ACTN1: variants seen among roughly 807,000 people sequenced by gnomAD.
The protein encoded by ACTN1 is actinin alpha 1.
ACTN1 carries 30 observed loss-of-function variants against 119.6 expected under a neutral mutation model. The observed-to-expected ratio is 0.25, with a 90% CI of 0.19 to 0.34. ACTN1 has a LOEUF of 0.34. Ranked by LOEUF, ACTN1 falls within the 10% of genes least tolerant of loss-of-function variation. The pLI, the probability that ACTN1 is intolerant of heterozygous loss-of-function variation, is 1.00. For missense variants in ACTN1, 764 were observed against 1,223.4 expected (o/e 0.62, Z 5.60); for synonymous variants, 429 against 472.6 (o/e 0.91, Z 1.20).
intron 4 of ACTN1, among the ~76,000 whole-genome samples, chr14:68,910,594 G>A (rs547463590): frequency 6.6e-6 from 1 of 152,164 alleles, no homozygotes; most frequent in Non-Finnish European, 1.5e-5. Context: ...ATGAGGTTAG[G>A]CAGGCAACTG....
intron 1 of ACTN1, among the ~76,000 whole-genome samples, chr14:68,937,908 G>A (rs1025467362): frequency 2.0e-5 from 3 of 152,358 alleles, no homozygotes; most frequent in South Asian, 4.1e-4. Context: ...CCTGTGCTCA[G>A]CGTTGAGTCC....
At chr14:68,971,616 A>G (rs1035942764) in intron 1 of ACTN1, among the ~76,000 whole-genome samples, 7 of 152,178 alleles carry the variant, frequency 4.6e-5, no homozygotes, top group African/African-American at 1.7e-4. Context: ...TCATCATCCC[A>G]CATATCTTAC....
intron 1 of ACTN1, among the ~76,000 whole-genome samples, chr14:68,929,767 G>C (rs1332988337): frequency 6.6e-6 from 1 of 152,148 alleles, no homozygotes; most frequent in Admixed American, 6.5e-5. Flanking sequence ...GAGGACCCGG[G>C]ACAGAGGGAG....
At chr14:68,913,266 G>C (rs1400927774) in intron 3 of ACTN1, among the ~76,000 whole-genome samples, 6 of 152,150 alleles carry the variant, frequency 3.9e-5, no homozygotes. Flanking sequence ...GCAATCTATG[G>C]TCTTGTGGTT....
chr14:68,901,657 G>A (rs1238216179), intron 8 of ACTN1, among the ~76,000 whole-genome samples: 1 of 152,220 alleles, frequency 6.6e-6, no homozygotes. Context: ...CTGGAGTCCT[G>A]CCTACCAGGG....
chr14:68,971,570 T>C (rs1009736912), intron 1 of ACTN1, among the ~76,000 whole-genome samples: 3 of 152,244 alleles, frequency 2.0e-5, no homozygotes, highest in African/African-American at 7.2e-5. Context: ...CATGTTGTTC[T>C]CTATCTCTAA....
intron 1 of ACTN1, chr14:68,977,723 T>A (rs1044594493): frequency 3.2e-6 from 1 of 315,416 alleles, no homozygotes. Context: ...AGGGAATGAA[T>A]GTTACCATTT....
At position 68,878,772 on chromosome 14, in the gene ACTN1, C is replaced by T. The variant is rs757204079; in HGVS notation, c.2361+217G>A. ...CCCATGGGATGAAGAGCAGCGAGGA[C>T]GGAAGACAGCGGGCACCCAGTAGGT... is the stretch of plus-strand genomic sequence containing the variant. On this transcript the variant is annotated intron_variant, in intron 19 of 21. Transcript: ENST00000394419. The surrounding 1 kb of genome is among the most constrained non-coding windows in gnomAD (Gnocchi z 4.4). The T allele has an allele frequency of 2.6e-5, 40 of 1,556,866 alleles. No individual in the cohort carries two copies. Among genetic ancestry groups the T allele is most frequent in the African/African-American group, 5.4e-5 (4 of 73,524 alleles).
chr14:68,891,111 C>A (rs1333160894), intron 10 of ACTN1, among the ~76,000 whole-genome samples: 1 of 152,212 alleles, frequency 6.6e-6, no homozygotes, highest in Non-Finnish European at 1.5e-5. Flanking sequence ...CCCTCCATGA[C>A]CCCCTGGGCT....
chr14:68,888,265 G>A, intron 11 of ACTN1: 3 of 331,874 alleles, frequency 9.0e-6, no homozygotes, highest in Middle Eastern at 1.0e-3. Flanking sequence ...GAATACATGT[G>A]GCCAAACTGC....
At chr14:68,887,165 C>A (rs1594763146) in intron 11 of ACTN1, 1 of 171,042 alleles carries the variant, frequency 5.8e-6, no homozygotes, top group Non-Finnish European at 1.3e-5. Context: ...TATCAAGTAC[C>A]AGTATTTTCA....
chr14:68,915,231 T>C (rs1251385812), intron 3 of ACTN1, among the ~76,000 whole-genome samples: 5 of 151,868 alleles, frequency 3.3e-5, no homozygotes, highest in African/African-American at 1.2e-4. Flanking sequence ...CGCCTGGGCC[T>C]CTTGTTCCCC....
At chr14:68,907,011 G>A (rs2033703448) in intron 6 of ACTN1, among the ~76,000 whole-genome samples, 1 of 152,084 alleles carries the variant, frequency 6.6e-6, no homozygotes, top group African/African-American at 2.4e-5. Context: ...GGTGGCTCAT[G>A]CCTGTAATCC....
chr14:68,931,278 T>C (rs927203025), intron 1 of ACTN1, among the ~76,000 whole-genome samples: 1 of 152,176 alleles, frequency 6.6e-6, no homozygotes, highest in Non-Finnish European at 1.5e-5. Context: ...TGATGGAACA[T>C]CAGCAGAGTT....
chr14:68,906,803 G>A (rs775243153), intron 6 of ACTN1, among the ~76,000 whole-genome samples: 9 of 152,110 alleles, frequency 5.9e-5, no homozygotes, highest in Non-Finnish European at 1.2e-4. Context: ...GATTTGGGCT[G>A]GATTTTACTG....
In ACTN1 at chr14:68,925,673, C is replaced by A; in HGVS notation, c.106-1G>T. On this transcript the variant is annotated splice_acceptor_variant, in intron 1 of 21. Transcript: ENST00000394419. LOFTEE classifies it high-confidence loss of function. This position sits in a 1 kb window ranked among gnomAD's most constrained non-coding sequence, Gnocchi z 4.3. ...GGGAGTTACACCATGCCGTGAATGT[C>A]TGGGCAGAGACAAGAAGGGCAAGTG... 1 of 1,609,594 alleles carries A rather than the reference C, an allele frequency of 6.2e-7. No individual in the cohort carries two copies. Among genetic ancestry groups the A allele is most frequent in the South Asian group, 1.1e-5 (1 of 90,404 alleles).
At chr14:68,916,268 C>T (rs959298929) in intron 3 of ACTN1, among the ~76,000 whole-genome samples, 4 of 152,178 alleles carry the variant, frequency 2.6e-5, no homozygotes, top group Non-Finnish European at 4.4e-5. Context: ...CACTCTGTGA[C>T]GGCCAAACTC....
intron 2 of ACTN1, among the ~76,000 whole-genome samples, chr14:68,924,126 G>C (rs2034792697): frequency 6.6e-6 from 1 of 152,278 alleles, no homozygotes; most frequent in Middle Eastern, 3.4e-3. Context: ...GGGGAGCGGC[G>C]AGCTAGTGTT....
At chr14:68,893,595 A>G in intron 9 of ACTN1, 60 bp downstream of exon 9, 1 of 1,492,742 alleles carries the variant, frequency 6.7e-7, no homozygotes, top group East Asian at 2.3e-5. Context: ...ACTTGGAGGT[A>G]CACGTTCTAG....
Sources: gnomAD v4.1 joint callset for allele counts (sites outside exome capture counted in the v4.1 genomes callset) on GRCh38, gnomAD v4.1.1 for gene constraint, Gnocchi (gnomAD v3.1) non-coding constraint, MANE v1.5 for transcripts, NCBI Gene and HGNC (gene_info 2026-07-23, HGNC 2026-07-21) for gene names.